PRKCA: variants seen among roughly 807,000 people sequenced by gnomAD.
The protein encoded by PRKCA is protein kinase C alpha type.
PRKCA carries 27 observed loss-of-function variants against 87.0 expected under a neutral mutation model. The observed-to-expected ratio is 0.31, with a 90% confidence interval of 0.23 to 0.43. The LOEUF is 0.43. Ranked by LOEUF, PRKCA falls within the 20% of genes least tolerant of loss-of-function variation. The pLI is 1.00. For synonymous variants in PRKCA, 329 were observed against 311.1 expected, an observed-to-expected ratio of 1.06 and a Z score of -0.61; for missense variants, 518 against 852.3, an observed-to-expected ratio of 0.61 and a Z score of 4.88.
chr17:66,323,227 T>C (rs1905786590), intron 2 of PRKCA, among the ~76,000 whole-genome samples: 1 of 152,226 alleles, frequency 6.6e-6, no homozygotes. Flanking sequence ...AATTGCATGC[T>C]CCCAGTGCAC....
chr17:66,541,287 C>G (rs148539006), intron 3 of PRKCA, among the ~76,000 whole-genome samples: 24 of 152,298 alleles, frequency 1.6e-4, no homozygotes, highest in African/African-American at 5.3e-4. Flanking sequence ...GTAAGAAGGT[C>G]TTGTGGTACG....
At chr17:66,438,507 G>A (rs964025214) in intron 2 of PRKCA, among the ~76,000 whole-genome samples, 2 of 152,164 alleles carry the variant, frequency 1.3e-5, no homozygotes, top group African/African-American at 4.8e-5. Flanking sequence ...AAACTCTGTT[G>A]AGTTGGCTTT....
intron 2 of PRKCA, among the ~76,000 whole-genome samples, chr17:66,368,380 ATATATATTTTTT>A (rs1387211377): frequency 2.0e-4 from 6 of 29,922 alleles, no homozygotes; most frequent in African/African-American, 5.4e-4. Flanking sequence ...ATATATATAT[ATATATATTTTTT>A]TTTTTTTTTT....
intron 3 of PRKCA, among the ~76,000 whole-genome samples, chr17:66,511,567 A>G (rs1408081407): frequency 6.6e-6 from 1 of 152,192 alleles, no homozygotes; most frequent in Non-Finnish European, 1.5e-5. Context: ...GGTAGGCTGA[A>G]TATTTAAGAA....
At chr17:66,777,978 G>C (rs1446384496) in intron 14 of PRKCA, 3 of 985,268 alleles carry the variant, frequency 3.0e-6, no homozygotes, top group African/African-American at 3.5e-5. Context: ...GTCCCCTTTG[G>C]GGGGTGCATT....
chr17:66,566,989 T>G (rs1045738133), intron 3 of PRKCA, among the ~76,000 whole-genome samples: 5 of 152,182 alleles, frequency 3.3e-5, no homozygotes, highest in African/African-American at 1.2e-4. Flanking sequence ...AACTAAACCC[T>G]CAATGGGAAT....
chr17:66,409,063 A>G, intron 2 of PRKCA, among the ~76,000 whole-genome samples: 1 of 151,196 alleles, frequency 6.6e-6, no homozygotes, highest in Non-Finnish European at 1.5e-5. Context: ...AAAGAAGAAG[A>G]ATAAATAGTG....
Position 66,536,669 on chromosome 17 carries a change from A to G in PRKCA, c.288+40386A>G, listed in dbSNP as rs1026076199. On this transcript the variant is annotated intron_variant, in intron 3 of 16. Coordinates refer to ENST00000413366, the MANE Select transcript of PRKCA (RefSeq NM_002737.3). ...CCAATGGCAGCAGTAGAAGCTATCA[A>G]TGATGGTGGTTATCACTTTTATTAC... Among the ~76,000 whole-genome samples the G allele has an allele frequency of 7.2e-5, 11 of 152,294 alleles. 1 individual carries two copies. Among genetic ancestry groups the G allele is most frequent in the East Asian group, 5.8e-4 (3 of 5,180 alleles).
At chr17:66,798,754 G>A (rs1598954082) in intron 16 of PRKCA, among the ~76,000 whole-genome samples, 4 of 148,398 alleles carry the variant, frequency 2.7e-5, no homozygotes, top group Admixed American at 6.7e-5. Flanking sequence ...TGGTGGTGGT[G>A]GTGGTGGTGG....
chr17:66,554,370 A>G (rs1968432660), intron 3 of PRKCA: 5 of 186,660 alleles, frequency 2.7e-5, no homozygotes, highest in Middle Eastern at 5.0e-4. Context: ...AAAGCCTGCA[A>G]TAGGCTTCCT....
At chr17:66,461,006 G>C (rs1437220189) in intron 2 of PRKCA, among the ~76,000 whole-genome samples, 1 of 152,038 alleles carries the variant, frequency 6.6e-6, no homozygotes, top group East Asian at 1.9e-4. Flanking sequence ...AGGAGTTGGA[G>C]ACCAGCCTGG....
intron 2 of PRKCA, among the ~76,000 whole-genome samples, chr17:66,466,642 G>A (rs1321141112): frequency 6.6e-6 from 1 of 152,144 alleles, no homozygotes; most frequent in African/African-American, 2.4e-5. Context: ...GAATTGATAA[G>A]TATTCCACAT....
chr17:66,412,337 G>A (rs764414540), intron 2 of PRKCA, among the ~76,000 whole-genome samples: 4 of 152,252 alleles, frequency 2.6e-5, no homozygotes, highest in East Asian at 1.9e-4. Flanking sequence ...GATTACAAGC[G>A]TGAGCCACTG....
chr17:66,631,806 A>T (rs1971022038), intron 3 of PRKCA, among the ~76,000 whole-genome samples: 1 of 152,204 alleles, frequency 6.6e-6, no homozygotes, highest in Admixed American at 6.5e-5. Context: ...CATGACATGT[A>T]CCCCGTAAAT....
At chr17:66,485,068 C>A (rs1738701326) in intron 2 of PRKCA, among the ~76,000 whole-genome samples, 1 of 152,120 alleles carries the variant, frequency 6.6e-6, no homozygotes. Flanking sequence ...CCCTCCCTAC[C>A]ACGTTTCCCT....
At chr17:66,558,639 A>T (rs1008934717) in intron 3 of PRKCA, among the ~76,000 whole-genome samples, 1 of 152,158 alleles carries the variant, frequency 6.6e-6, no homozygotes, top group Non-Finnish European at 1.5e-5. Flanking sequence ...TAAGAGTGAG[A>T]TCATCATAAA....
intron 3 of PRKCA, among the ~76,000 whole-genome samples, chr17:66,513,840 C>A (rs1966880067): frequency 6.6e-6 from 1 of 152,038 alleles, no homozygotes; most frequent in South Asian, 2.1e-4. Flanking sequence ...TGTAGGGGAA[C>A]AGGAAGTAGA....
At chr17:66,631,857 T>C (rs1243843336) in intron 3 of PRKCA, among the ~76,000 whole-genome samples, 2 of 152,152 alleles carry the variant, frequency 1.3e-5, no homozygotes, top group African/African-American at 4.8e-5. Context: ...AATAAATTTG[T>C]TTAAAGTTGA....
chr17:66,697,595 C>T (rs1972956890), intron 8 of PRKCA, among the ~76,000 whole-genome samples: 1 of 152,200 alleles, frequency 6.6e-6, no homozygotes, highest in South Asian at 2.1e-4. Flanking sequence ...CCCAGCCATC[C>T]ACAACACTGC....
Sources: allele counts gnomAD v4.1 joint callset (sites outside exome capture counted in the v4.1 genomes callset), GRCh38; gene constraint gnomAD v4.1.1; transcripts MANE v1.5; gene names NCBI Gene and HGNC (gene_info 2026-07-23, HGNC 2026-07-21).